SGCZ: variants seen among roughly 807,000 people sequenced by gnomAD.
SGCZ encodes the protein zeta-sarcoglycan.
A neutral mutation model predicts 41.3 loss-of-function variants in SGCZ; 40 were observed. That is an observed-to-expected ratio of 0.97 (90% CI 0.75 to 1.26). The LOEUF is 1.26. Ranked by LOEUF, SGCZ falls within the 50% of genes most tolerant of loss-of-function variation. SGCZ has a pLI of 0.00. For missense variants in SGCZ, 552 were observed against 369.8 expected, an observed-to-expected ratio of 1.49 and a Z score of -4.04; for synonymous variants, 206 against 137.5, an observed-to-expected ratio of 1.50 and a Z score of -3.49.
rs535518666 is a variant in SGCZ at position 15,169,547 on chromosome 8, G to C, written c.39+68038C>G. Among the ~76,000 whole-genome samples, 14 of 152,282 alleles carry C rather than the reference G, an allele frequency of 9.2e-5. No individual in the cohort carries two copies. In the South Asian group the frequency reaches 2.9e-3, roughly 32 times the overall value. ...TTCATGGGGTGGAACAAAGAACCCTGTCTTTAGCTGACTAAGGAAAAGTCC... is the reference window on the plus strand; with the variant it reads ...TTCATGGGGTGGAACAAAGAACCCTCTCTTTAGCTGACTAAGGAAAAGTCC... On this transcript the variant is annotated intron_variant, in intron 1 of 7. Coordinates refer to ENST00000382080, the MANE Select transcript of SGCZ (RefSeq NM_139167.4).
At chr8:14,840,833 A>C (rs1802878839) in intron 1 of SGCZ, among the ~76,000 whole-genome samples, 1 of 152,148 alleles carries the variant, frequency 6.6e-6, no homozygotes, top group African/African-American at 2.4e-5. Context: ...AGACTCAAGA[A>C]GTGTCAGATT....
intron 1 of SGCZ, among the ~76,000 whole-genome samples, chr8:15,230,610 C>T (rs1040682882): frequency 6.6e-6 from 1 of 152,150 alleles, no homozygotes; most frequent in African/African-American, 2.4e-5. Context: ...ACAAAAACGT[C>T]ATTTTTGAGC....
chr8:14,930,284 A>T (rs539593617), intron 1 of SGCZ, among the ~76,000 whole-genome samples: 5 of 152,176 alleles, frequency 3.3e-5, no homozygotes, highest in Admixed American at 3.3e-4. Context: ...AACCACAATG[A>T]GATACTATCT....
chr8:14,449,534 G>C (rs986068875), intron 2 of SGCZ, among the ~76,000 whole-genome samples: 2 of 152,068 alleles, frequency 1.3e-5, no homozygotes, highest in Non-Finnish European at 2.9e-5. Flanking sequence ...ACTATTCCTA[G>C]CTGGATATAC....
At chr8:14,202,306 T>G (rs1585226830) in intron 4 of SGCZ, among the ~76,000 whole-genome samples, 1 of 152,252 alleles carries the variant, frequency 6.6e-6, no homozygotes, top group East Asian at 1.9e-4. Context: ...TCCTCCACAA[T>G]TCTTAGAGTG....
rs567984338 is a variant in SGCZ, at chr8:14,252,108, C to T, written c.337-14429G>A. On this transcript the variant is annotated intron_variant, in intron 3 of 7. Transcript: ENST00000382080. ...TTACAGTCTCCCCATATGGAATTCA[C>T]ATTAGATATGTGTTATATCTTCCTT... Among the ~76,000 whole-genome samples the T allele has an allele frequency of 4.6e-5, 7 of 152,246 alleles. No individual in the cohort carries two copies. In the South Asian group the frequency reaches 1.4e-3, roughly 32 times the overall value.
At chr8:15,224,136 G>T (rs912951473) in intron 1 of SGCZ, among the ~76,000 whole-genome samples, 1 of 152,120 alleles carries the variant, frequency 6.6e-6, no homozygotes, top group East Asian at 1.9e-4. Context: ...GATAACAGGC[G>T]TGAGCCACCA....
intron 1 of SGCZ, among the ~76,000 whole-genome samples, chr8:14,940,906 T>G (rs1350621652): frequency 1.3e-5 from 2 of 151,982 alleles, no homozygotes; most frequent in African/African-American, 4.8e-5. Context: ...CTCCTACAGA[T>G]TAATACGAAA....
At chr8:14,095,069 G>A (rs11990291) in intron 7 of SGCZ, among the ~76,000 whole-genome samples, 1,678 of 152,020 alleles carry the variant, frequency 0.011, 44 homozygotes, top group African/African-American at 0.038. Flanking sequence ...CTCTCATTCT[G>A]CAGGTTGCCT....
chr8:14,359,873 G>A (rs1803445378), intron 2 of SGCZ, among the ~76,000 whole-genome samples: 1 of 150,644 alleles, frequency 6.6e-6, no homozygotes, highest in Non-Finnish European at 1.5e-5. Flanking sequence ...TCAACAGAAT[G>A]CTGGCAAATC....
intron 1 of SGCZ, among the ~76,000 whole-genome samples, chr8:14,698,362 G>A (rs1809032225): frequency 6.6e-6 from 1 of 151,758 alleles, no homozygotes; most frequent in Non-Finnish European, 1.5e-5. Flanking sequence ...GGTTTCTAAA[G>A]TTGCTTTAGT....
At chr8:14,718,766 G>A (rs1333765686) in intron 1 of SGCZ, among the ~76,000 whole-genome samples, 1 of 151,384 alleles carries the variant, frequency 6.6e-6, no homozygotes, top group East Asian at 1.9e-4. Context: ...CAATGGAGAA[G>A]AAAGAAATGA....
chr8:14,729,493 T>C (rs955628602), intron 1 of SGCZ, among the ~76,000 whole-genome samples: 19 of 152,170 alleles, frequency 1.2e-4, no homozygotes, highest in Non-Finnish European at 1.0e-4. Flanking sequence ...CTGGTGTCTT[T>C]AAATAAAGAG....
intron 1 of SGCZ, among the ~76,000 whole-genome samples, chr8:14,985,244 T>C (rs1184601252): frequency 6.6e-6 from 1 of 152,172 alleles, no homozygotes; most frequent in Non-Finnish European, 1.5e-5. Context: ...TTTTCTATAT[T>C]ATCCCTTAGA....
chr8:14,269,703 T>C (rs772787862), intron 3 of SGCZ, among the ~76,000 whole-genome samples: 12 of 152,124 alleles, frequency 7.9e-5, no homozygotes, highest in Admixed American at 2.0e-4. Context: ...TGCTATGACA[T>C]GATGCTGTCA....
intron 1 of SGCZ, among the ~76,000 whole-genome samples, chr8:15,165,538 A>G (rs1585631033): frequency 6.6e-6 from 1 of 152,048 alleles, no homozygotes; most frequent in Non-Finnish European, 1.5e-5. Flanking sequence ...GGAACTAACT[A>G]CCCCGCAACT....
At chr8:15,184,269 T>C (rs1800266219) in intron 1 of SGCZ, among the ~76,000 whole-genome samples, 2 of 152,240 alleles carry the variant, frequency 1.3e-5, no homozygotes, top group African/African-American at 4.8e-5. Flanking sequence ...CTTATGCTTT[T>C]AAAATTTTCA....
At chr8:14,298,318 G>A (rs1319062577) in intron 3 of SGCZ, among the ~76,000 whole-genome samples, 1 of 151,732 alleles carries the variant, frequency 6.6e-6, no homozygotes, top group Non-Finnish European at 1.5e-5. Flanking sequence ...ATCTTCTCTT[G>A]TCATTCCTAT....
intron 1 of SGCZ, among the ~76,000 whole-genome samples, chr8:14,992,343 T>C (rs545125801): frequency 2.0e-5 from 3 of 150,322 alleles, no homozygotes; most frequent in East Asian, 2.0e-4. Context: ...TCATCCAATC[T>C]ACTCCCAAAT....
Sources: allele counts gnomAD v4.1 joint callset (sites outside exome capture counted in the v4.1 genomes callset), GRCh38; gene constraint gnomAD v4.1.1; transcripts MANE v1.5; gene names NCBI Gene and HGNC (gene_info 2026-07-23, HGNC 2026-07-21).